UBXN4: variants seen among roughly 807,000 people sequenced by gnomAD.
The protein encoded by UBXN4 is UBX domain-containing protein 4.
In UBXN4, 35 loss-of-function variants were observed where a neutral mutation model predicts 66.2. The ratio of observed to expected loss-of-function variants is 0.53; its 90% CI spans 0.40 to 0.70. The LOEUF (loss-of-function observed/expected upper bound fraction) is 0.70, where lower values mean the gene tolerates loss of function less well. UBXN4 is among the 30% of genes least tolerant of loss of function. The probability of loss-of-function intolerance (pLI) is 0.00; values close to 1 mark genes in which losing one functional copy is unlikely to be tolerated. For missense variants in UBXN4, 533 were observed against 599.8 expected (o/e 0.89, Z 1.16); for synonymous variants, 203 against 204.5 (o/e 0.99, Z 0.06).
intron 6 of UBXN4, among the ~76,000 whole-genome samples, chr2:135,769,022 A>G (rs1446746307): frequency 6.6e-6 from 1 of 151,706 alleles, no homozygotes; most frequent in Non-Finnish European, 1.5e-5. Flanking sequence ...TGTTTATTTC[A>G]GACAGGGTCT....
chr2:135,745,995 A>G (rs1405918424), intron 1 of UBXN4, among the ~76,000 whole-genome samples: 3 of 145,628 alleles, frequency 2.1e-5, no homozygotes, highest in Non-Finnish European at 4.4e-5. Flanking sequence ...CTCCTGCCTC[A>G]GCCTCCTGAG....
rs752880086 is a variant in UBXN4 at position 135,776,367 on chromosome 2, G to T, written c.1053+16G>T. On this transcript the variant is annotated intron_variant, in intron 10 of 12. Transcript: ENST00000272638. ...TGCTGCACAGGTAAATTTATGTCTTGAGTTGTAGTAAAAATAGATGTGTAG... is the reference window on the plus strand; with the variant it reads ...TGCTGCACAGGTAAATTTATGTCTTTAGTTGTAGTAAAAATAGATGTGTAG... The T allele has an allele frequency of 4.4e-6, 7 of 1,596,240 alleles. No homozygotes were observed. Among genetic ancestry groups the T allele is most frequent in the Non-Finnish European group, 6.0e-6 (7 of 1,168,730 alleles).
At chr2:135,747,372 A>G in intron 1 of UBXN4, among the ~76,000 whole-genome samples, 1 of 138,898 alleles carries the variant, frequency 7.2e-6, no homozygotes, top group Non-Finnish European at 1.6e-5. Context: ...AAAAAAAAAA[A>G]GATACAGAAC....
At position 135,747,331 on chromosome 2, in the gene UBXN4, A is replaced by G. The variant is rs1399924826; in HGVS notation, c.83-936A>G. Among the ~76,000 whole-genome samples the G allele has an allele frequency of 3.7e-5, 5 of 136,632 alleles. No homozygotes were observed. The East Asian group carries it at 8.5e-4, about 23-fold the overall frequency. 89.6% of individuals were successfully genotyped at this position (136,632 alleles called of 152,430 possible). On this transcript the variant is annotated intron_variant, in intron 1 of 12. Transcript: ENST00000272638. ...CCATTGCACTACAACCTGAGCGACA[A>G]GAGTGAAACTCCATCTCAAAAAAAA...
chr2:135,744,270 A>G (rs10928545), intron 1 of UBXN4, among the ~76,000 whole-genome samples: 90,613 of 152,076 alleles, frequency 0.6, 29,542 homozygotes, highest in Non-Finnish European at 0.76. Flanking sequence ...TTTGGTTCAT[A>G]GAACTGTTCA....
intron 2 of UBXN4, among the ~76,000 whole-genome samples, chr2:135,749,221 G>T (rs2077228002): frequency 1.3e-5 from 2 of 152,110 alleles, no homozygotes; most frequent in Admixed American, 1.3e-4. Context: ...GTCATCTCCA[G>T]CTTCTAAAAA....
rs1033751522 is a variant in UBXN4 at position 135,742,144 on chromosome 2, A to T, written c.82+133A>T. The T allele has an allele frequency of 9.5e-6, 10 of 1,048,014 alleles. No individual in the cohort carries two copies. In the Admixed American group the frequency reaches 1.7e-4, roughly 18 times the overall value. The allele number at this position is 1,048,014 out of a possible 1,614,324, so 64.9% of individuals were successfully genotyped here. A position where few individuals can be genotyped will look rare whatever the true frequency, so the allele number is the denominator to read the frequency against. On this transcript the variant is annotated intron_variant, in intron 1 of 12. Transcript: ENST00000272638. The stretch of plus-strand genomic sequence containing the variant: ...GTCGGCTCGCACAATTGCCACTACT[A>T]CCCCGCGCCCCAGGGACGGCTGCGA...
chr2:135,765,515 C>G (rs1575319932), intron 6 of UBXN4, among the ~76,000 whole-genome samples: 1 of 152,010 alleles, frequency 6.6e-6, no homozygotes, highest in Non-Finnish European at 1.5e-5. Flanking sequence ...CCAGCCATGT[C>G]ATTATGTTTA....
intron 2 of UBXN4, among the ~76,000 whole-genome samples, chr2:135,748,795 C>T (rs2077225227): frequency 6.6e-6 from 1 of 151,258 alleles, no homozygotes; most frequent in African/African-American, 2.4e-5. Context: ...TTTGGGAGGC[C>T]AAGACAGGCG....
intron 6 of UBXN4, among the ~76,000 whole-genome samples, chr2:135,767,839 A>G (rs575740996): frequency 6.6e-6 from 1 of 152,264 alleles, no homozygotes; most frequent in East Asian, 1.9e-4. Context: ...GGTTAGGCCA[A>G]TTTACAGTTC....
intron 3 of UBXN4, 196 bp downstream of exon 3, chr2:135,753,763 A>G (rs1042257920): frequency 1.9e-5 from 10 of 522,934 alleles, no homozygotes; most frequent in South Asian, 1.0e-4. Flanking sequence ...AAGTAACTCA[A>G]TGGTGTAGTG....
At position 135,784,700 on chromosome 2, in the gene UBXN4, T is replaced by A. The variant is rs1245028804; in HGVS notation, c.*1813T>A. Reference sequence around the variant, plus strand: ...TTTTAAAAAAGCTGTCAAATAGGTGTGACCCTACTAATAATTATTAGAAAT... The same window carrying A: ...TTTTAAAAAAGCTGTCAAATAGGTGAGACCCTACTAATAATTATTAGAAAT... On this transcript the variant is annotated 3_prime_UTR_variant, in exon 13 of 13. Transcript: ENST00000272638. The A allele has an allele frequency of 1.3e-5, 2 of 152,654 alleles. No individual in the cohort carries two copies. The highest frequency in any genetic ancestry group is 2.9e-5 in the Non-Finnish European group (2 of 68,032). The allele number at this position is 152,654 out of a possible 1,614,324, so 9.5% of individuals were successfully genotyped here.
Position 135,741,876 on chromosome 2 carries a change from C to T in UBXN4, c.-54C>T. Reference sequence around the variant, plus strand: ...GGACGAAGACGGAGGGCGGAGCCGGCTTCGGGACTGCGGAGACTACACACC... The same window carrying T: ...GGACGAAGACGGAGGGCGGAGCCGGTTTCGGGACTGCGGAGACTACACACC... On this transcript the variant is annotated 5_prime_UTR_variant, in exon 1 of 13. Transcript: ENST00000272638. 1 of 1,563,434 alleles carries T rather than the reference C, an allele frequency of 6.4e-7. No homozygotes were observed. The highest frequency in any genetic ancestry group is 1.2e-5 in the South Asian group (1 of 86,100).
At chr2:135,773,441 T>A (rs1427983041) in intron 9 of UBXN4, among the ~76,000 whole-genome samples, 2 of 152,208 alleles carry the variant, frequency 1.3e-5, no homozygotes, top group Non-Finnish European at 2.9e-5. Context: ...CATGCCTGTA[T>A]CAGTCACTGA....
chr2:135,746,652 G>T (rs1402559577), intron 1 of UBXN4, among the ~76,000 whole-genome samples: 1 of 152,174 alleles, frequency 6.6e-6, no homozygotes, highest in East Asian at 1.9e-4. Context: ...TCTGGGGGAA[G>T]AACATTCCAG....
intron 6 of UBXN4, among the ~76,000 whole-genome samples, chr2:135,768,907 AC>A (rs1267508973): frequency 4.6e-5 from 7 of 151,428 alleles, no homozygotes; most frequent in Admixed American, 4.6e-4. Context: ...TCAAGTTGTT[AC>A]CCAGACTGGT....
intron 1 of UBXN4, among the ~76,000 whole-genome samples, chr2:135,744,044 T>A (rs1281055439): frequency 6.6e-6 from 1 of 152,144 alleles, no homozygotes; most frequent in African/African-American, 2.4e-5. Flanking sequence ...AGCCAGTTAA[T>A]CCCCAAGACT....
chr2:135,784,022 T>G lies in UBXN4; in HGVS notation c.*1135T>G, dbSNP rs1031489899. 5.3e-5 allele frequency: 8 copies of G among 151,994 alleles called. No individual in the cohort carries two copies. The highest frequency in any genetic ancestry group is 1.9e-4 in the African/African-American group (8 of 41,410). The allele number at this position is 151,994 out of a possible 1,614,324, so 9.4% of individuals were successfully genotyped here. Reference sequence around the variant, plus strand: ...AAATTTTCTCAGAGCAAACTTTCTATTTTTTACCTGTGAAATAACAGTGAC... The same window carrying G: ...AAATTTTCTCAGAGCAAACTTTCTAGTTTTTACCTGTGAAATAACAGTGAC... On this transcript the variant is annotated 3_prime_UTR_variant, in exon 13 of 13. Transcript: ENST00000272638.
intron 3 of UBXN4, 54 bp from the exon 4 acceptor site, chr2:135,754,105 G>A (rs922902204): frequency 2.0e-5 from 26 of 1,301,836 alleles, no homozygotes; most frequent in South Asian, 1.0e-4. Flanking sequence ...ATAGTGTTTC[G>A]TAAAACTATC....
Sources: allele counts gnomAD v4.1 joint callset (sites outside exome capture counted in the v4.1 genomes callset), GRCh38; gene constraint gnomAD v4.1.1; transcripts MANE v1.5; gene names NCBI Gene and HGNC (gene_info 2026-07-23, HGNC 2026-07-21).